Variants in TIPIN observed in about 807,000 individuals in gnomAD.
TIPIN encodes the protein TIMELESS interacting protein.
In TIPIN, 29 loss-of-function variants were observed where a neutral mutation model predicts 35.6. The observed-to-expected ratio is 0.82, with a 90% CI of 0.61 to 1.11. The LOEUF (loss-of-function observed/expected upper bound fraction) is 1.11. TIPIN is among the 50% of genes most tolerant of loss of function. The probability of loss-of-function intolerance (pLI) is 0.00; values close to 1 mark genes in which losing one functional copy is unlikely to be tolerated. For synonymous variants in TIPIN, 102 were observed against 121.5 expected, an observed-to-expected ratio of 0.84 and a Z score of 1.06; for missense variants, 296 against 345.4, an observed-to-expected ratio of 0.86 and a Z score of 1.13.
intron 1 of TIPIN, among the ~76,000 whole-genome samples, chr15:66,373,709 G>T (rs951154241): frequency 6.6e-6 from 1 of 151,674 alleles, no homozygotes; most frequent in Non-Finnish European, 1.5e-5. Flanking sequence ...AATTAATTTG[G>T]TTTTTTGAGA....
chr15:66,377,475 C>T (rs922742048), intron 1 of TIPIN, among the ~76,000 whole-genome samples: 2 of 152,060 alleles, frequency 1.3e-5, no homozygotes, highest in East Asian at 3.9e-4. Flanking sequence ...AGTGATTCTC[C>T]TGCCTCAGCC....
intron 1 of TIPIN, among the ~76,000 whole-genome samples, chr15:66,362,951 C>T (rs147121933): frequency 1.5e-4 from 23 of 152,258 alleles, no homozygotes; most frequent in African/African-American, 5.1e-4. Flanking sequence ...TTGCCCCCAC[C>T]TGTACACCAC....
intron 6 of TIPIN, among the ~76,000 whole-genome samples, chr15:66,345,990 A>G (rs986488943): frequency 3.3e-5 from 5 of 150,498 alleles, no homozygotes; most frequent in African/African-American, 1.2e-4. Context: ...CTTTTTGCCC[A>G]GGCTGGAGTG....
At chr15:66,337,306 G>C (rs1366805142) in intron 7 of TIPIN, 125 bp from the exon 8 acceptor site, 6 of 592,272 alleles carry the variant, frequency 1.0e-5, no homozygotes, top group East Asian at 2.9e-5. Context: ...TGTTAATTAT[G>C]ATCACTTTCT....
intron 1 of TIPIN, among the ~76,000 whole-genome samples, chr15:66,378,971 G>T (rs1454602618): frequency 6.6e-6 from 1 of 152,108 alleles, no homozygotes; most frequent in African/African-American, 2.4e-5. Flanking sequence ...TGTTGACTAG[G>T]CTGGTCTTAA....
intron 7 of TIPIN, among the ~76,000 whole-genome samples, chr15:66,340,184 T>TTC (rs2093075753): frequency 7.1e-6 from 1 of 139,952 alleles, no homozygotes; most frequent in Non-Finnish European, 1.5e-5. Context: ...TTTTTTTTTT[T>TTC]TTTTTTTTTT....
intron 1 of TIPIN, chr15:66,382,880 G>A: frequency 1.2e-6 from 1 of 865,938 alleles, no homozygotes; most frequent in African/African-American, 1.8e-5. Context: ...ATTCTTGTCT[G>A]TATGGTCAGC....
At chr15:66,348,562 C>G (rs2093144325) in intron 6 of TIPIN, among the ~76,000 whole-genome samples, 1 of 151,204 alleles carries the variant, frequency 6.6e-6, no homozygotes, top group African/African-American at 2.4e-5. Context: ...GTGGCGCATG[C>G]CTGTGATCCC....
chr15:66,366,812 A>G (rs2093256826), intron 1 of TIPIN: 1 of 983,428 alleles, frequency 1.0e-6, no homozygotes, highest in African/African-American at 1.8e-5. Context: ...AGAAAAAGAA[A>G]AGAAATTCCA....
intron 1 of TIPIN, among the ~76,000 whole-genome samples, chr15:66,386,039 G>C (rs112140832): frequency 6.7e-6 from 1 of 149,896 alleles, no homozygotes; most frequent in Admixed American, 6.6e-5. Flanking sequence ...CCAAAATTGG[G>C]ATTACAGGCG....
In TIPIN at chr15:66,337,774, ATAAAAT is replaced by A. The variant is rs1566969342; in HGVS notation, c.683-599_683-594del. ...CCATGTCAACAAAACATCAAAAAAA[ATAAAAT>A]AAAAAAAAAAATAATTAGCTGGCTA... On this transcript the variant is annotated intron_variant, in intron 7 of 7. Transcript: ENST00000261881. 9.8e-5 allele frequency among the ~76,000 whole-genome samples: 5 copies of A among 50,960 alleles called. 1 individual carries two copies. Among genetic ancestry groups the A allele is most frequent in the South Asian group, 8.4e-4 (1 of 1,188 alleles). The allele number at this position is 50,960 out of a possible 152,430, so 33.4% of individuals were successfully genotyped here.
intron 1 of TIPIN, among the ~76,000 whole-genome samples, chr15:66,368,111 C>T (rs573422133): frequency 4.6e-5 from 7 of 152,162 alleles, no homozygotes; most frequent in South Asian, 4.1e-4. Context: ...AGATTGCAGG[C>T]GTGAGACCCT....
chr15:66,366,839 T>C (rs2093256928), intron 1 of TIPIN: 2 of 982,900 alleles, frequency 2.0e-6, no homozygotes, highest in African/African-American at 1.8e-5. Flanking sequence ...CAGTGGACTA[T>C]GTGTGTCCAA....
chr15:66,367,040 C>A, intron 1 of TIPIN: 1 of 220,290 alleles, frequency 4.5e-6, no homozygotes. Flanking sequence ...ATTAGACATA[C>A]GTGCTGGTGA....
chr15:66,360,938 C>G (rs564198387), upstream of TIPIN, among the ~76,000 whole-genome samples: 1 of 152,180 alleles, frequency 6.6e-6, no homozygotes, highest in South Asian at 2.1e-4. Context: ...TGTACTCCAG[C>G]CTGGGCTACA....
chr15:66,375,729 C>CA (rs2093294477), intron 1 of TIPIN, among the ~76,000 whole-genome samples: 1 of 150,464 alleles, frequency 6.6e-6, no homozygotes, highest in Non-Finnish European at 1.5e-5. Flanking sequence ...CCAGGCTTCT[C>CA]AGAGTTCCTC....
chr15:66,362,519 G>A (rs11632444), intron 1 of TIPIN, among the ~76,000 whole-genome samples: 31,907 of 151,008 alleles, frequency 0.21, 4,075 homozygotes, highest in Middle Eastern at 0.33. Flanking sequence ...TCTGGAGTTC[G>A]AGACCAGCCT....
chr15:66,380,830 A>T (rs1355052021), intron 1 of TIPIN, among the ~76,000 whole-genome samples: 1 of 152,152 alleles, frequency 6.6e-6, no homozygotes, highest in Non-Finnish European at 1.5e-5. Context: ...AATTAAAAAA[A>T]TAGAGATCCT....
At chr15:66,356,108 C>T (rs572617922) in intron 1 of TIPIN, among the ~76,000 whole-genome samples, 3 of 152,242 alleles carry the variant, frequency 2.0e-5, no homozygotes, top group African/African-American at 4.8e-5. Flanking sequence ...GTCCAAACCA[C>T]GGTTTGTTCC....
Sources: allele counts gnomAD v4.1 joint callset (sites outside exome capture counted in the v4.1 genomes callset), GRCh38; gene constraint gnomAD v4.1.1; transcripts MANE v1.5; gene names NCBI Gene and HGNC (gene_info 2026-07-23, HGNC 2026-07-21).